Variants in FYB1 observed in about 807,000 individuals in gnomAD.
The protein encoded by FYB1 is FYN-binding protein 1.
In FYB1, 41 loss-of-function variants were observed where a neutral mutation model predicts 94.1. That is an observed-to-expected ratio of 0.44 (90% CI 0.34 to 0.57). FYB1 has a LOEUF of 0.57. FYB1 is among the 20% of genes least tolerant of loss of function. The probability of loss-of-function intolerance (pLI) is 0.02; values close to 1 mark genes in which losing one functional copy is unlikely to be tolerated. For synonymous variants in FYB1, 367 were observed against 353.2 expected (o/e 1.04, Z -0.44); for missense variants, 1,050 against 976.8 (o/e 1.07, Z -1.00).
At chr5:39,213,751 T>C (rs533565696) in intron 1 of FYB1, among the ~76,000 whole-genome samples, 12 of 152,080 alleles carry the variant, frequency 7.9e-5, no homozygotes, top group Non-Finnish European at 1.6e-4. Context: ...CAGCTGCCCC[T>C]TAGAGTTGGT....
rs928393085 is a variant in FYB1, at chr5:39,161,677, G to A, written c.1136-8073C>T. ...CAGTCTCATTATTTCTGGTCACTTA[G>A]GTTATAAAAATAACCACTGAAGTAT... On this transcript the variant is annotated intron_variant, in intron 2 of 18. Coordinates refer to ENST00000512982, the MANE Select transcript of FYB1 (RefSeq NM_001465.6). Among the ~76,000 whole-genome samples the A allele has an allele frequency of 5.9e-5, 9 of 151,288 alleles. No individual in the cohort carries two copies. The South Asian group carries it at 8.3e-4, about 14-fold the overall frequency.
At chr5:39,151,043 A>G (rs772996440) in intron 3 of FYB1, among the ~76,000 whole-genome samples, 4 of 151,950 alleles carry the variant, frequency 2.6e-5, no homozygotes, top group Admixed American at 6.6e-5. Flanking sequence ...TGCTCTCTCT[A>G]CCTGCGCTCT....
intron 16 of FYB1, among the ~76,000 whole-genome samples, chr5:39,118,327 G>T (rs370808406): frequency 2.0e-5 from 3 of 152,256 alleles, no homozygotes; most frequent in South Asian, 4.1e-4. Context: ...AATTTGTAAG[G>T]TAAGAAAACT....
chr5:39,211,937 T>A (rs529317936), intron 1 of FYB1, among the ~76,000 whole-genome samples: 1 of 152,190 alleles, frequency 6.6e-6, no homozygotes, highest in South Asian at 2.1e-4. Flanking sequence ...TCTAGAGACT[T>A]CCTTCCCAGC....
chr5:39,169,314 G>T, intron 2 of FYB1: 1 of 783,932 alleles, frequency 1.3e-6, no homozygotes, highest in Non-Finnish European at 2.3e-6. Flanking sequence ...AAAAACTCAT[G>T]CTATGGGGTA....
At chr5:39,145,205 T>TTATGCA (rs1742538966) in intron 3 of FYB1, among the ~76,000 whole-genome samples, 3 of 152,202 alleles carry the variant, frequency 2.0e-5, no homozygotes, top group African/African-American at 7.2e-5. Context: ...AAGAAAAATC[T>TTATGCA]AATTGCAAAT....
chr5:39,273,173 T>C (rs1428070079), intron 1 of FYB1, among the ~76,000 whole-genome samples: 2 of 152,072 alleles, frequency 1.3e-5, no homozygotes, highest in African/African-American at 4.8e-5. Context: ...CGGGCCATGA[T>C]GACAATGGCG....
At chr5:39,266,065 T>C (rs1187854458) in intron 1 of FYB1, among the ~76,000 whole-genome samples, 1 of 152,196 alleles carries the variant, frequency 6.6e-6, no homozygotes, top group Non-Finnish European at 1.5e-5. Context: ...TCTTCATTTC[T>C]TCCAGAAAAT....
At chr5:39,134,473 G>A (rs1009549147) in intron 8 of FYB1, 124 bp from the exon 9 acceptor site, 11 of 901,396 alleles carry the variant, frequency 1.2e-5, no homozygotes, top group African/African-American at 1.7e-5. Flanking sequence ...TTGTAGTTCT[G>A]ATTTGTAGAC....
intron 2 of FYB1, chr5:39,169,703 G>T (rs940228317): frequency 1.3e-5 from 6 of 452,990 alleles, no homozygotes; most frequent in East Asian, 1.1e-4. Context: ...AAATTAGCCG[G>T]GCCAGTCGAA....
chr5:39,202,327 C>T lies in FYB1; in HGVS notation c.634G>A (p.Asp212Asn). The T allele has an allele frequency of 1.2e-6, 2 of 1,613,792 alleles. No individual in the cohort carries two copies. The highest frequency in any genetic ancestry group is 1.7e-6 in the Non-Finnish European group (2 of 1,179,874). Residue 212 changes from aspartate to asparagine, a missense_variant, in exon 2 of 19, where the codon GAC (aspartate) becomes AAC (asparagine). Coordinates refer to ENST00000512982, the MANE Select transcript of FYB1 (RefSeq NM_001465.6). ...PPLSTENSHE[D>N]ESPMKNVSSS... ...GACACATTCTTCATGGGGCTTTCGTCTTCATGGGAGTTCTCGGTACTTAGG... is the reference window on the plus strand; with the variant it reads ...GACACATTCTTCATGGGGCTTTCGTTTTCATGGGAGTTCTCGGTACTTAGG...
At chr5:39,163,044 A>C (rs1435452911) in intron 2 of FYB1, among the ~76,000 whole-genome samples, 1 of 152,322 alleles carries the variant, frequency 6.6e-6, no homozygotes, top group East Asian at 1.9e-4. Context: ...ATATTAGTAG[A>C]TATTGTTATG....
intron 17 of FYB1, among the ~76,000 whole-genome samples, chr5:39,109,281 A>G (rs1738834717): frequency 6.6e-6 from 1 of 151,948 alleles, no homozygotes; most frequent in African/African-American, 2.4e-5. Flanking sequence ...TCCAAATGCG[A>G]GCAGGACAGG....
intron 2 of FYB1, among the ~76,000 whole-genome samples, chr5:39,188,940 A>G (rs1018508649): frequency 9.2e-5 from 14 of 152,284 alleles, no homozygotes; most frequent in African/African-American, 2.9e-4. Flanking sequence ...CTCTTGAACT[A>G]AAAACTTTGG....
intron 2 of FYB1, among the ~76,000 whole-genome samples, chr5:39,185,699 T>C (rs863863): frequency 0.98 from 147,303 of 150,566 alleles, 72,126 homozygotes; most frequent in Non-Finnish European, 1. Context: ...CACAGTGTGT[T>C]AGAAACCATG....
At chr5:39,157,945 C>T (rs1743906874) in intron 2 of FYB1, among the ~76,000 whole-genome samples, 2 of 152,136 alleles carry the variant, frequency 1.3e-5, no homozygotes, top group Admixed American at 1.3e-4. Context: ...AGGAACTGTG[C>T]TCTGAGCATT....
intron 1 of FYB1, among the ~76,000 whole-genome samples, chr5:39,225,303 C>T (rs1750424399): frequency 6.6e-6 from 1 of 152,100 alleles, no homozygotes; most frequent in Admixed American, 6.6e-5. Context: ...GCTGGGAAGG[C>T]TCCAGAGTTT....
intron 2 of FYB1, among the ~76,000 whole-genome samples, chr5:39,167,255 TTCTCTCTCTC>T (rs879811936): frequency 1.3e-5 from 2 of 151,022 alleles, no homozygotes; most frequent in African/African-American, 4.8e-5. Flanking sequence ...TCTTGGGTAG[TTCTCTCTCTC>T]TCTCTGTCTC....
At chr5:39,119,479 T>C (rs959255180) in intron 15 of FYB1, 56 bp downstream of exon 15, 2 of 1,279,632 alleles carry the variant, frequency 1.6e-6, no homozygotes, top group African/African-American at 3.1e-5. Context: ...TACTTAAAAA[T>C]CATTGGATTT....
Sources: gnomAD v4.1 joint callset for allele counts (sites outside exome capture counted in the v4.1 genomes callset) on GRCh38, gnomAD v4.1.1 for gene constraint, MANE v1.5 for transcripts, NCBI Gene and HGNC (gene_info 2026-07-23, HGNC 2026-07-21) for gene names.